TBL1XR1: variants seen among roughly 807,000 people sequenced by gnomAD.
The protein encoded by TBL1XR1 is TBL1X/Y related 1.
A neutral mutation model predicts 66.9 loss-of-function variants in TBL1XR1; 5 were observed. The observed-to-expected ratio is 0.07, with a 90% CI of 0.04 to 0.16. The LOEUF is 0.16. TBL1XR1 is among the 10% of genes least tolerant of loss of function. TBL1XR1 has a pLI of 1.00. For missense variants in TBL1XR1, 238 were observed against 623.2 expected (o/e 0.38, Z 6.58); for synonymous variants, 210 against 206.0 (o/e 1.02, Z -0.17).
intron 1 of TBL1XR1, among the ~76,000 whole-genome samples, chr3:177,101,122 G>A (rs1016379826): frequency 1.3e-5 from 2 of 152,170 alleles, no homozygotes; most frequent in South Asian, 2.1e-4. Flanking sequence ...CTCCCAAACT[G>A]CTGGGATTAC....
intron 1 of TBL1XR1, among the ~76,000 whole-genome samples, chr3:177,134,091 AAG>A (rs1244553911): frequency 6.6e-6 from 1 of 152,100 alleles, no homozygotes; most frequent in Non-Finnish European, 1.5e-5. Context: ...CGTGAATGTA[AAG>A]AGAGAGAAAT....
At chr3:177,156,609 T>C (rs962093192) in intron 1 of TBL1XR1, among the ~76,000 whole-genome samples, 2 of 150,458 alleles carry the variant, frequency 1.3e-5, no homozygotes, top group Admixed American at 6.6e-5. Context: ...GACAAAACAC[T>C]TGTGTCTGGA....
At chr3:177,082,269 G>T in intron 2 of TBL1XR1, among the ~76,000 whole-genome samples, 1 of 151,856 alleles carries the variant, frequency 6.6e-6, no homozygotes, top group Non-Finnish European at 1.5e-5. Flanking sequence ...GACCAAAAAA[G>T]AAGTCCAAAT....
intron 1 of TBL1XR1, among the ~76,000 whole-genome samples, chr3:177,130,236 T>G (rs1728139635): frequency 6.6e-6 from 1 of 152,062 alleles, no homozygotes; most frequent in Admixed American, 6.6e-5. Context: ...GTGGGGAACT[T>G]ATTCATCAAA....
At chr3:177,137,211 G>A (rs188516010) in intron 1 of TBL1XR1, among the ~76,000 whole-genome samples, 19 of 152,366 alleles carry the variant, frequency 1.2e-4, no homozygotes, top group Non-Finnish European at 2.4e-4. Flanking sequence ...GACATGGCCC[G>A]GCATGGCATG....
chr3:177,173,398 T>C (rs1207472288), intron 1 of TBL1XR1, among the ~76,000 whole-genome samples: 2 of 152,170 alleles, frequency 1.3e-5, no homozygotes, highest in Non-Finnish European at 2.9e-5. Flanking sequence ...TGGCACACAT[T>C]ACCTTAACCA....
At chr3:177,143,352 G>A (rs1380255574) in intron 1 of TBL1XR1, among the ~76,000 whole-genome samples, 1 of 150,842 alleles carries the variant, frequency 6.6e-6, no homozygotes, top group Non-Finnish European at 1.5e-5. Context: ...TAACTACAGT[G>A]AATGACAAAA....
At chr3:177,027,638 C>G (rs1460555155) in intron 14 of TBL1XR1, 1 of 152,160 alleles carries the variant, frequency 6.6e-6, no homozygotes, top group Non-Finnish European at 1.5e-5. Flanking sequence ...GGCAACAAAC[C>G]ATGCACCTTG....
At chr3:177,173,720 A>G (rs915709963) in intron 1 of TBL1XR1, among the ~76,000 whole-genome samples, 3 of 152,194 alleles carry the variant, frequency 2.0e-5, no homozygotes, top group African/African-American at 4.8e-5. Context: ...TAAAACCTAT[A>G]GTTTAGTATT....
chr3:177,105,332 G>A (rs1323539323), intron 1 of TBL1XR1, among the ~76,000 whole-genome samples: 1 of 152,048 alleles, frequency 6.6e-6, no homozygotes, highest in Non-Finnish European at 1.5e-5. Flanking sequence ...AAGCAGTTTG[G>A]AAGAAAGAAA....
intron 2 of TBL1XR1, among the ~76,000 whole-genome samples, chr3:177,072,918 G>C (rs1720228806): frequency 6.6e-6 from 1 of 152,130 alleles, no homozygotes; most frequent in Non-Finnish European, 1.5e-5. Flanking sequence ...ACAAAAATTA[G>C]CCAGGTGTGG....
At chr3:177,070,393 A>G (rs996058613) in intron 2 of TBL1XR1, among the ~76,000 whole-genome samples, 3 of 152,244 alleles carry the variant, frequency 2.0e-5, no homozygotes, top group African/African-American at 7.2e-5. Flanking sequence ...CAGTCAAGGT[A>G]TATCAACAGG....
upstream of TBL1XR1, among the ~76,000 whole-genome samples, chr3:177,197,609 C>A (rs1281471586): frequency 7.9e-6 from 1 of 126,736 alleles, no homozygotes; most frequent in Non-Finnish European, 1.7e-5. Context: ...CAAACCCGAG[C>A]GGCCTGCGCC....
In TBL1XR1 at chr3:177,093,077, T is replaced by A. The variant is rs531236257; in HGVS notation, c.-46+5389A>T. Among the ~76,000 whole-genome samples, 3 of 152,164 alleles carry A rather than the reference T, an allele frequency of 2.0e-5. No individual in the cohort carries two copies. The East Asian group carries it at 5.8e-4, about 29-fold the overall frequency. On this transcript the variant is annotated intron_variant, in intron 2 of 15. Coordinates refer to ENST00000457928, the MANE Select transcript of TBL1XR1 (RefSeq NM_024665.7). The stretch of plus-strand genomic sequence containing the variant: ...ATACCTAGAAAACCCTAAAAACTCC[T>A]CCAAAAAGTTCCTAGAAGTGATAAA...
At position 177,181,547 on chromosome 3, in the gene TBL1XR1, A is replaced by G. The variant is rs79836013; in HGVS notation, c.-122+15574T>C. On this transcript the variant is annotated intron_variant, in intron 1 of 15. Transcript: ENST00000457928. ...AGTAGAAAACACGGGAAAATACAAG[A>G]TGTCCCCATGCTAGATTGTGATAGA... Among the ~76,000 whole-genome samples, 172 of 152,112 alleles carry G rather than the reference A, an allele frequency of 1.1e-3. 2 individuals are homozygous for G. In the East Asian group the frequency reaches 0.032, roughly 28 times the overall value.
intron 1 of TBL1XR1, among the ~76,000 whole-genome samples, chr3:177,167,222 C>T (rs550687476): frequency 1.3e-5 from 2 of 152,226 alleles, no homozygotes; most frequent in African/African-American, 4.8e-5. Flanking sequence ...ATACATATTA[C>T]TACATGAAAG....
At chr3:177,072,726 AAT>A (rs1225204640) in intron 2 of TBL1XR1, among the ~76,000 whole-genome samples, 1 of 152,176 alleles carries the variant, frequency 6.6e-6, no homozygotes, top group African/African-American at 2.4e-5. Context: ...AAGAAATGAC[AAT>A]ATAGTTATTC....
chr3:177,067,859 T>C (rs1008799914), intron 2 of TBL1XR1, among the ~76,000 whole-genome samples: 4 of 152,206 alleles, frequency 2.6e-5, no homozygotes, highest in Admixed American at 2.6e-4. Flanking sequence ...GGTTTATTTA[T>C]ATAGCCAAAT....
At chr3:177,198,417 C>T (rs1319620787), upstream of TBL1XR1, among the ~76,000 whole-genome samples, 2 of 152,192 alleles carry the variant, frequency 1.3e-5, no homozygotes, top group South Asian at 2.1e-4. Context: ...TGCACAGTGG[C>T]ATCCACAGTA....
Sources: gnomAD v4.1 joint callset for allele counts (sites outside exome capture counted in the v4.1 genomes callset) on GRCh38, gnomAD v4.1.1 for gene constraint, MANE v1.5 for transcripts, NCBI Gene and HGNC (gene_info 2026-07-23, HGNC 2026-07-21) for gene names.